GTPBP1: variants seen among roughly 807,000 people sequenced by gnomAD.
The protein encoded by GTPBP1 is GTP binding protein 1.
GTPBP1 carries 23 observed loss-of-function variants against 62.0 expected under a neutral mutation model. The observed-to-expected ratio is 0.37, with a 90% CI of 0.27 to 0.53. The LOEUF (loss-of-function observed/expected upper bound fraction) is 0.53. GTPBP1 is among the 20% of genes least tolerant of loss of function. The probability of loss-of-function intolerance (pLI) is 0.89; values close to 1 mark genes in which losing one functional copy is unlikely to be tolerated. For synonymous variants in GTPBP1, 344 were observed against 364.4 expected (o/e 0.94, Z 0.64); for missense variants, 640 against 917.3 (o/e 0.70, Z 3.90).
chr22:38,718,938 A>G (rs1321176799), intron 4 of GTPBP1, among the ~76,000 whole-genome samples: 3 of 152,364 alleles, frequency 2.0e-5, no homozygotes, highest in Non-Finnish European at 2.9e-5. Flanking sequence ...AGATTTAGCA[A>G]TCATTAACAT....
intron 4 of GTPBP1, among the ~76,000 whole-genome samples, chr22:38,720,582 T>TC (rs975685429): frequency 3.9e-5 from 6 of 152,118 alleles, no homozygotes; most frequent in Admixed American, 3.9e-4. Flanking sequence ...ACTTTTTTTT[T>TC]CCCCTTAAAA....
At chr22:38,722,944 C>G in intron 5 of GTPBP1, 1 of 959,992 alleles carries the variant, frequency 1.0e-6, no homozygotes, top group South Asian at 1.3e-5. Context: ...CCATTGGGGT[C>G]AGTTATGAAG....
At chr22:38,725,247 A>G (rs6001209) in intron 6 of GTPBP1, 46,295 of 152,184 alleles carry the variant, frequency 0.3, 7,161 homozygotes, top group East Asian at 0.36. Flanking sequence ...GGGAATGTGT[A>G]ATTCGTGATC....
At position 38,726,160 on chromosome 22, in the gene GTPBP1, T is replaced by G. The variant is rs368938602; in HGVS notation, c.1218+10T>G. 5 of 1,610,086 alleles carry G rather than the reference T, an allele frequency of 3.1e-6. No homozygotes were observed. Among genetic ancestry groups the G allele is most frequent in the Non-Finnish European group, 4.2e-6 (5 of 1,176,746 alleles). On this transcript the variant is annotated intron_variant, in intron 7 of 11. Transcript: ENST00000216044. This position sits in a 1 kb window ranked among gnomAD's most constrained non-coding sequence, Gnocchi z 4.1. The stretch of plus-strand genomic sequence containing the variant: ...CACCTACTCCGTCCCGGTAAGTGGC[T>G]CTGGGCGGGTAGCTGGGTGGGCACT...
intron 2 of GTPBP1, among the ~76,000 whole-genome samples, chr22:38,712,046 A>G (rs941994582): frequency 6.6e-6 from 1 of 151,716 alleles, no homozygotes; most frequent in Non-Finnish European, 1.5e-5. Context: ...ACGCCTGGCT[A>G]ATTTTTGTAT....
chr22:38,724,931 T>A (rs1309693472), intron 6 of GTPBP1, among the ~76,000 whole-genome samples: 4 of 152,238 alleles, frequency 2.6e-5, no homozygotes, highest in Non-Finnish European at 5.9e-5. Context: ...TCTGCGAGAC[T>A]CTTCATCTAG....
Position 38,724,400 on chromosome 22 carries a change from C to A in GTPBP1, c.1062C>A (p.Phe354Leu). 6.2e-7 allele frequency: 1 copy of A among 1,603,418 alleles called. No individual in the cohort carries two copies. Among genetic ancestry groups the A allele is most frequent in the Non-Finnish European group, 8.5e-7 (1 of 1,170,184 alleles). Residue 354 changes from phenylalanine (F) to leucine (L), a missense_variant, in exon 6 of 12, where the codon TTC (phenylalanine) becomes TTA (leucine). By Grantham distance (22) the Phe-to-Leu change is conservative (BLOSUM62 0). Coordinates refer to ENST00000216044, the MANE Select transcript of GTPBP1 (RefSeq NM_004286.5). ...KDDVIVTASNFSSERMCPIFQ... is the reference protein window; with the variant it reads ...KDDVIVTASNLSSERMCPIFQ... Reference sequence around the variant, plus strand: ...ATGTGATTGTCACAGCCTCCAACTTCAGCTCTGAAAGGTAACGCGTGGGGA... The same window carrying A: ...ATGTGATTGTCACAGCCTCCAACTTAAGCTCTGAAAGGTAACGCGTGGGGA...
intron 10 of GTPBP1, chr22:38,728,499 C>CA (rs2092738750): frequency 3.2e-6 from 1 of 312,810 alleles, no homozygotes; most frequent in African/African-American, 2.1e-5. Context: ...GGTCTCCTCT[C>CA]AGAGCAGAGG....
chr22:38,738,162 G>T, downstream of GTPBP1: 1 of 1,613,232 alleles, frequency 6.2e-7, no homozygotes, highest in Non-Finnish European at 8.5e-7. The surrounding 1 kb of genome is among the most constrained non-coding windows in gnomAD (Gnocchi z 6.6). Context: ...TAGCACAGCA[G>T]CATCCCGTAC....
chr22:38,739,744 C>T (rs531098802), downstream of GTPBP1: 6 of 1,613,682 alleles, frequency 3.7e-6, no homozygotes, highest in East Asian at 1.1e-4. This position sits in a 1 kb window ranked among gnomAD's most constrained non-coding sequence, Gnocchi z 6.7. Context: ...TCCAATCACA[C>T]CTTCTTTCTG....
At chr22:38,740,505 G>C, downstream of GTPBP1, 5 of 1,393,028 alleles carry the variant, frequency 3.6e-6, no homozygotes, top group Non-Finnish European at 4.7e-6. The surrounding 1 kb of genome is among the most constrained non-coding windows in gnomAD (Gnocchi z 4.8). Flanking sequence ...AGATGAAAGA[G>C]GACCCCCTAG....
At chr22:38,708,746 G>C (rs966172930) in intron 1 of GTPBP1, 99 bp from the exon 2 acceptor site, 1 of 729,932 alleles carries the variant, frequency 1.4e-6, no homozygotes, top group Non-Finnish European at 2.5e-6. Context: ...AGGGTGCTAT[G>C]GGGTTCAGTC....
chr22:38,724,543 T>G, intron 6 of GTPBP1, 132 bp downstream of exon 6: 7 of 611,048 alleles, frequency 1.1e-5, no homozygotes, highest in East Asian at 8.4e-5. Flanking sequence ...CTCTCCCTAT[T>G]CAGAGATCGG....
downstream of GTPBP1, chr22:38,740,478 A>C: frequency 7.0e-7 from 1 of 1,420,604 alleles, no homozygotes; most frequent in African/African-American, 1.5e-5. The surrounding 1 kb of genome is among the most constrained non-coding windows in gnomAD (Gnocchi z 4.8). Flanking sequence ...CTTTGGTGGG[A>C]GGTAAGGCCA....
chr22:38,736,018 C>T (rs745689048), downstream of GTPBP1: 72 of 523,086 alleles, frequency 1.4e-4, no homozygotes, highest in Non-Finnish European at 2.2e-4. Flanking sequence ...TACATATATA[C>T]ACACTCCCAG....
At chr22:38,734,564 A>G (rs1479248932), downstream of GTPBP1, among the ~76,000 whole-genome samples, 1 of 152,210 alleles carries the variant, frequency 6.6e-6, no homozygotes, top group African/African-American at 2.4e-5. Context: ...GACCTGCCTC[A>G]GGTCCCATCC....
rs760753723 is a variant in GTPBP1 at position 38,706,012 on chromosome 22, C to T, written c.57C>T (p.Phe19=). 1.9e-5 allele frequency: 27 copies of T among 1,446,014 alleles called. No individual in the cohort carries two copies. In the South Asian group the frequency reaches 3.1e-4, roughly 17 times the overall value. The allele number at this position is 1,446,014 out of a possible 1,614,324, so 89.6% of individuals were successfully genotyped here. A position where few individuals can be genotyped will look rare whatever the true frequency, so the allele number is the denominator to read the frequency against. Residue 19 remains phenylalanine, a synonymous_variant, in exon 1 of 12, where the codon TTC becomes TTT. Coordinates refer to ENST00000216044, the MANE Select transcript of GTPBP1 (RefSeq NM_004286.5). ...ACTCGCCGGTCCCGGCCTCTATGTTCGCCCCCGAGCCCAGCTCCCCGGGGG... is the reference window on the plus strand; with the variant it reads ...ACTCGCCGGTCCCGGCCTCTATGTTTGCCCCCGAGCCCAGCTCCCCGGGGG... The part of the protein sequence containing the change: ...AMDSPVPASM[F]APEPSSPGAA...
rs771851231 is a variant in GTPBP1 at position 38,727,965 on chromosome 22, C to T, written c.1538-18C>T. Reference sequence around the variant, plus strand: ...CCAGGTGGCTCCAGCCTATCCTGACCTCTGGCTTCCTTGACAGTGCACTGT... The same window carrying T: ...CCAGGTGGCTCCAGCCTATCCTGACTTCTGGCTTCCTTGACAGTGCACTGT... On this transcript the variant is annotated intron_variant, in intron 9 of 11. Coordinates refer to ENST00000216044, the MANE Select transcript of GTPBP1 (RefSeq NM_004286.5). The surrounding 1 kb of genome is among the most constrained non-coding windows in gnomAD (Gnocchi z 6.5). 42 of 1,610,262 alleles carry T rather than the reference C, an allele frequency of 2.6e-5. No homozygotes were observed. The highest frequency in any genetic ancestry group is 3.3e-4 in the Middle Eastern group (2 of 6,076).
intron 2 of GTPBP1, among the ~76,000 whole-genome samples, chr22:38,715,413 G>A (rs575259626): frequency 1.0e-3 from 158 of 152,262 alleles, no homozygotes; most frequent in African/African-American, 3.7e-3. Flanking sequence ...TTGTTCCTCT[G>A]GCTAGGATGT....
Sources: gnomAD v4.1 joint callset for allele counts (sites outside exome capture counted in the v4.1 genomes callset) on GRCh38, gnomAD v4.1.1 for gene constraint, Gnocchi (gnomAD v3.1) non-coding constraint, MANE v1.5 for transcripts, NCBI Gene and HGNC (gene_info 2026-07-23, HGNC 2026-07-21) for gene names.